The following RIMS2 variants were observed in gnomAD, a reference collection of about 807,000 sequenced individuals.
The protein encoded by RIMS2 is regulating synaptic membrane exocytosis 2, also known as regulating synaptic membrane exocytosis protein 2.
RIMS2 carries 59 observed loss-of-function variants against 174.4 expected under a neutral mutation model. That is an observed-to-expected ratio of 0.34 (90% CI 0.27 to 0.42). RIMS2 has a LOEUF of 0.42. Among genes scored for constraint, RIMS2 ranks in the 10% least tolerant of loss-of-function variants. RIMS2 has a pLI of 1.00. For synonymous variants in RIMS2, 606 were observed against 572.5 expected (o/e 1.06, Z -0.84); for missense variants, 1,620 against 1,666.3 (o/e 0.97, Z 0.48).
chr8:103,562,960 T>C (rs1007283495), intron 1 of RIMS2, among the ~76,000 whole-genome samples: 2 of 152,178 alleles, frequency 1.3e-5, no homozygotes, highest in Non-Finnish European at 2.9e-5. Flanking sequence ...TGGCCCCTTT[T>C]AGTCAAGGCT....
intron 19 of RIMS2, among the ~76,000 whole-genome samples, chr8:104,188,265 AGATAGATG>A (rs200967560): frequency 0.096 from 13,956 of 145,892 alleles, 798 homozygotes; most frequent in Admixed American, 0.17. Context: ...ATAGATAGAT[AGATAGATG>A]GATGAAGTAT....
At chr8:103,675,695 T>G (rs958522982) in intron 1 of RIMS2, among the ~76,000 whole-genome samples, 1 of 152,158 alleles carries the variant, frequency 6.6e-6, no homozygotes, top group Non-Finnish European at 1.5e-5. Flanking sequence ...CTGACAATTA[T>G]GAAGCCATTC....
chr8:103,900,978 C>T (rs1000576271), intron 4 of RIMS2, among the ~76,000 whole-genome samples: 13 of 152,198 alleles, frequency 8.5e-5, no homozygotes, highest in African/African-American at 2.4e-4. Flanking sequence ...CCCCCAGGGA[C>T]GCTGTGCTCA....
intron 1 of RIMS2, among the ~76,000 whole-genome samples, chr8:103,538,443 A>G (rs866825776): frequency 6.6e-6 from 1 of 152,072 alleles, no homozygotes; most frequent in Admixed American, 6.5e-5. Flanking sequence ...TAAGCAGTAT[A>G]CACTGCACCA....
At chr8:103,579,653 A>G (rs919547699) in intron 1 of RIMS2, among the ~76,000 whole-genome samples, 3 of 152,174 alleles carry the variant, frequency 2.0e-5, no homozygotes, top group Non-Finnish European at 4.4e-5. Context: ...CTTAACCTAT[A>G]AGATGTTTTT....
chr8:104,067,349 A>G (rs1347861376), intron 19 of RIMS2, among the ~76,000 whole-genome samples: 3 of 152,164 alleles, frequency 2.0e-5, no homozygotes, highest in Non-Finnish European at 4.4e-5. Context: ...TTTAAATTAT[A>G]TATATTTCTG....
At chr8:103,688,866 C>T (rs921871055) in intron 1 of RIMS2, among the ~76,000 whole-genome samples, 9 of 149,960 alleles carry the variant, frequency 6.0e-5, no homozygotes, top group South Asian at 2.1e-4. Context: ...TCTGCTGATA[C>T]GTATTGTTTC....
At chr8:103,710,682 C>G (rs2097293046) in intron 2 of RIMS2, among the ~76,000 whole-genome samples, 1 of 151,890 alleles carries the variant, frequency 6.6e-6, no homozygotes, top group South Asian at 2.1e-4. Flanking sequence ...TGCTTAATCA[C>G]TAATTTAGAA....
intron 1 of RIMS2, among the ~76,000 whole-genome samples, chr8:103,506,134 AT>A (rs1365872747): frequency 6.6e-6 from 1 of 152,144 alleles, no homozygotes; most frequent in Non-Finnish European, 1.5e-5. Context: ...TGCCAAAAAA[AT>A]GAAAAACTAT....
Position 103,737,772 on chromosome 8 carries a change from T to C in RIMS2, c.388-28455T>C, listed in dbSNP as rs973679853. Reference sequence around the variant, plus strand: ...CATATGTTGTTTCTTATACCTGGAATGCACTTCACCAGATTTTTACATGGC... The same window carrying C: ...CATATGTTGTTTCTTATACCTGGAACGCACTTCACCAGATTTTTACATGGC... On this transcript the variant is annotated intron_variant, in intron 2 of 23. Coordinates refer to ENST00000504942, the Ensembl canonical transcript of RIMS2. Among the ~76,000 whole-genome samples the C allele has an allele frequency of 2.0e-5, 3 of 152,176 alleles. No homozygotes were observed. The East Asian group carries it at 5.8e-4, about 29-fold the overall frequency.
At chr8:103,744,834 A>G (rs942734773) in intron 2 of RIMS2, among the ~76,000 whole-genome samples, 2 of 152,144 alleles carry the variant, frequency 1.3e-5, no homozygotes, top group Non-Finnish European at 2.9e-5. Flanking sequence ...TTTAATTGAC[A>G]TCTATTGGCT....
intron 19 of RIMS2, among the ~76,000 whole-genome samples, chr8:104,135,840 G>A (rs1392710496): frequency 1.3e-5 from 2 of 151,986 alleles, no homozygotes; most frequent in African/African-American, 4.8e-5. Context: ...AAAAAGTGGA[G>A]GGCTCAAGGT....
At chr8:103,559,857 C>T (rs986484893) in intron 1 of RIMS2, among the ~76,000 whole-genome samples, 2 of 152,076 alleles carry the variant, frequency 1.3e-5, no homozygotes, top group African/African-American at 4.8e-5. Flanking sequence ...ATAATAGTAG[C>T]CAGTGTATTA....
intron 2 of RIMS2, among the ~76,000 whole-genome samples, chr8:103,734,420 G>T (rs1409230583): frequency 6.7e-6 from 1 of 149,746 alleles, no homozygotes; most frequent in Non-Finnish European, 1.5e-5. Flanking sequence ...ATATTTTTGG[G>T]GATATATTTT....
At chr8:104,062,546 T>C (rs571584005) in intron 19 of RIMS2, among the ~76,000 whole-genome samples, 23 of 152,344 alleles carry the variant, frequency 1.5e-4, no homozygotes, top group Admixed American at 1.4e-3. Context: ...TACTTAGTTC[T>C]CTGTTGAAAG....
chr8:103,509,072 G>A (rs574004983), intron 1 of RIMS2, among the ~76,000 whole-genome samples: 5 of 152,032 alleles, frequency 3.3e-5, no homozygotes, highest in East Asian at 3.9e-4. Flanking sequence ...TAGAGAGTTT[G>A]TAGCATTAAT....
chr8:103,651,312 A>G (rs2096448446), intron 1 of RIMS2, among the ~76,000 whole-genome samples: 1 of 152,178 alleles, frequency 6.6e-6, no homozygotes, highest in Non-Finnish European at 1.5e-5. Context: ...GAACTCAGAT[A>G]TTTCAGTTGA....
chr8:104,199,362 T>C (rs1044367706), intron 19 of RIMS2, among the ~76,000 whole-genome samples: 13 of 152,308 alleles, frequency 8.5e-5, no homozygotes, highest in African/African-American at 2.9e-4. Flanking sequence ...ACGCCCGGCC[T>C]ATTTTAACAA....
chr8:103,572,840 A>G (rs1199126371), intron 1 of RIMS2, among the ~76,000 whole-genome samples: 1 of 152,142 alleles, frequency 6.6e-6, no homozygotes, highest in Non-Finnish European at 1.5e-5. Flanking sequence ...ATTTTCTCCC[A>G]TACTGTAGTT....
Sources: allele counts gnomAD v4.1 joint callset (sites outside exome capture counted in the v4.1 genomes callset), GRCh38; gene constraint gnomAD v4.1.1; transcripts MANE v1.5; gene names NCBI Gene and HGNC (gene_info 2026-07-23, HGNC 2026-07-21).